Variants in ATP8A2 observed in about 807,000 individuals in gnomAD.
ATP8A2 encodes phospholipid-transporting ATPase IB.
Under a neutral mutation model 165.6 loss-of-function variants are expected in ATP8A2, and 100 were observed. The ratio of observed to expected loss-of-function variants is 0.60; its 90% CI spans 0.51 to 0.71. ATP8A2 has a LOEUF of 0.71. ATP8A2 is among the 30% of genes least tolerant of loss of function. The probability of loss-of-function intolerance (pLI) is 0.00; values close to 1 mark genes in which losing one functional copy is unlikely to be tolerated. For missense variants in ATP8A2, 1,227 were observed against 1,479.5 expected (o/e 0.83, Z 2.80); for synonymous variants, 543 against 548.8 (o/e 0.99, Z 0.15).
rs1359230071 is a variant in ATP8A2 at position 25,386,993 on chromosome 13, TC to T, written c.76+14706del. Among the ~76,000 whole-genome samples the T allele has an allele frequency of 6.2e-5, 6 of 96,630 alleles. 1 individual carries two copies. Among genetic ancestry groups the T allele is most frequent in the Middle Eastern group, 4.9e-3 (1 of 204 alleles). The allele number at this position is 96,630 out of a possible 152,430, so 63.4% of individuals were successfully genotyped here. ...GCCTGGGCGTCAGAGCGAGACTCCA[TC>T]TCAAAAAAAACAGAACAAAACAAAA... On this transcript the variant is annotated intron_variant, in intron 1 of 36. Coordinates refer to ENST00000381655, the MANE Select transcript of ATP8A2 (RefSeq NM_016529.6).
chr13:25,468,852 G>T, intron 1 of ATP8A2, 125 bp from the exon 2 acceptor site: 1 of 1,452,258 alleles, frequency 6.9e-7, no homozygotes, highest in East Asian at 2.7e-5. Flanking sequence ...TACGTAGGCG[G>T]CGTCCGCCTC....
chr13:25,973,547 G>A (rs77827163), intron 35 of ATP8A2, among the ~76,000 whole-genome samples: 13,763 of 152,124 alleles, frequency 0.09, 1,718 homozygotes, highest in African/African-American at 0.28. Context: ...CAGTGCTCTC[G>A]AGTGCTCCTT....
chr13:25,600,667 G>T (rs1565968740), intron 24 of ATP8A2, among the ~76,000 whole-genome samples: 1 of 152,148 alleles, frequency 6.6e-6, no homozygotes, highest in Non-Finnish European at 1.5e-5. Context: ...ATGAAGCCAG[G>T]TCGAGATGGT....
intron 33 of ATP8A2, among the ~76,000 whole-genome samples, chr13:25,922,865 T>C (rs1274549388): frequency 1.3e-5 from 2 of 152,168 alleles, no homozygotes; most frequent in African/African-American, 2.4e-5. Flanking sequence ...CAAATTCTAA[T>C]CCTTGTAGCC....
chr13:25,683,836 G>C (rs1018897676), intron 24 of ATP8A2, among the ~76,000 whole-genome samples: 3 of 152,042 alleles, frequency 2.0e-5, no homozygotes, highest in Non-Finnish European at 4.4e-5. Flanking sequence ...TTTCCAGTTG[G>C]CCACAGTCCT....
intron 13 of ATP8A2, among the ~76,000 whole-genome samples, chr13:25,558,495 C>T (rs950224844): frequency 1.4e-3 from 208 of 151,858 alleles, no homozygotes; most frequent in African/African-American, 4.8e-3. Flanking sequence ...GTAATCAGTC[C>T]CTCTTCTATA....
At chr13:25,407,078 C>T (rs566298724) in intron 1 of ATP8A2, among the ~76,000 whole-genome samples, 18 of 152,242 alleles carry the variant, frequency 1.2e-4, no homozygotes, top group Admixed American at 2.6e-4. Context: ...AATTAAGAAC[C>T]GCAGAAGAGA....
At chr13:25,772,539 C>T (rs2044644539) in intron 26 of ATP8A2, among the ~76,000 whole-genome samples, 1 of 151,888 alleles carries the variant, frequency 6.6e-6, no homozygotes. Context: ...ATTTAGATTC[C>T]GAATGCGTGG....
intron 24 of ATP8A2, among the ~76,000 whole-genome samples, chr13:25,610,297 T>G (rs1423200964): frequency 6.6e-6 from 1 of 152,176 alleles, no homozygotes; most frequent in Non-Finnish European, 1.5e-5. Context: ...TTGTATAAGG[T>G]GACAGATAAG....
At position 25,666,633 on chromosome 13, in the gene ATP8A2, G is replaced by A. The variant is rs561766341; in HGVS notation, c.2212-32540G>A. Among the ~76,000 whole-genome samples, 33 of 152,222 alleles carry A rather than the reference G, an allele frequency of 2.2e-4. No individual in the cohort carries two copies. In the South Asian group the frequency reaches 6.7e-3, roughly 31 times the overall value. ...GACAATTATCATTTGATGTTGTGGG[G>A]GCTAAATGTGGGTATTTTTGGTGTT... On this transcript the variant is annotated intron_variant, in intron 24 of 36. Coordinates refer to ENST00000381655, the MANE Select transcript of ATP8A2 (RefSeq NM_016529.6).
At chr13:25,990,261 TAAAAA>T (rs3056351) in intron 35 of ATP8A2, among the ~76,000 whole-genome samples, 3 of 108,358 alleles carry the variant, frequency 2.8e-5, no homozygotes, top group South Asian at 3.2e-4. Context: ...CATGTAACTG[TAAAAA>T]AAAAAAAAAA....
intron 35 of ATP8A2, among the ~76,000 whole-genome samples, chr13:25,974,960 T>C (rs1223055563): frequency 6.6e-6 from 1 of 152,164 alleles, no homozygotes; most frequent in East Asian, 1.9e-4. Flanking sequence ...GCTGAGCCAG[T>C]GCAGACCAGA....
chr13:25,598,377 T>G (rs557016039), intron 24 of ATP8A2, among the ~76,000 whole-genome samples: 1 of 152,330 alleles, frequency 6.6e-6, no homozygotes, highest in South Asian at 2.1e-4. Context: ...GGCTGTAGAT[T>G]CCTCCAGAAA....
intron 32 of ATP8A2, among the ~76,000 whole-genome samples, chr13:25,861,170 A>G (rs1033648204): frequency 2.6e-4 from 39 of 152,358 alleles, no homozygotes; most frequent in African/African-American, 8.9e-4. Context: ...GACAAAAAAC[A>G]TTTAATGTCC....
intron 35 of ATP8A2, among the ~76,000 whole-genome samples, chr13:25,991,022 T>A (rs1452012400): frequency 6.6e-6 from 1 of 152,126 alleles, no homozygotes; most frequent in African/African-American, 2.4e-5. Context: ...CCATATGTGC[T>A]GGGGCTGTCA....
intron 2 of ATP8A2, among the ~76,000 whole-genome samples, chr13:25,522,608 T>C (rs1593454630): frequency 6.6e-6 from 1 of 152,316 alleles, no homozygotes; most frequent in South Asian, 2.1e-4. Context: ...TTGAGGATCT[T>C]TATCATAAAG....
Position 25,699,269 on chromosome 13 carries a change from A to G in ATP8A2, c.2308A>G (p.Lys770Glu). The G allele has an allele frequency of 6.2e-7, 1 of 1,613,870 alleles. No homozygotes were observed. The highest frequency in any genetic ancestry group is 8.5e-7 in the Non-Finnish European group (1 of 1,179,862). Reference sequence around the variant, plus strand: ...CCTGATCATCGATGGCCACACCCTGAAGTACGCGCTCTCCTTCGAAGTCCG... The same window carrying G: ...CCTGATCATCGATGGCCACACCCTGGAGTACGCGCTCTCCTTCGAAGTCCG... ...VALIIDGHTL[K>E]YALSFEVRRS... The change falls in exon 25 of 37, where the codon AAG (lysine) becomes GAG (glutamate). Residue 770 changes from lysine to glutamate, a missense_variant. By Grantham distance (56) the Lys-to-Glu change is moderately conservative. Around this residue, in one of 5 missense-constraint regions of ATP8A2, gnomAD observed 592 missense variants for 785.6 expected, o/e 0.75. Transcript: ENST00000381655.
At chr13:25,937,219 G>T (rs9578937) in intron 33 of ATP8A2, among the ~76,000 whole-genome samples, 3 of 151,884 alleles carry the variant, frequency 2.0e-5, no homozygotes, top group East Asian at 1.9e-4. Flanking sequence ...ATACAAAAAC[G>T]CAAGTAAAAC....
chr13:25,657,455 G>A (rs969277499), intron 24 of ATP8A2, among the ~76,000 whole-genome samples: 1 of 152,150 alleles, frequency 6.6e-6, no homozygotes, highest in African/African-American at 2.4e-5. Context: ...GCCAGATGGG[G>A]ACTGTCACCA....
Sources: gnomAD v4.1 joint callset for allele counts (sites outside exome capture counted in the v4.1 genomes callset) on GRCh38, gnomAD v4.1.1 for gene constraint, gnomAD v4.1.1 regional missense constraint, MANE v1.5 for transcripts, NCBI Gene and HGNC (gene_info 2026-07-23, HGNC 2026-07-21) for gene names.